LRRC4C: variants seen among roughly 807,000 people sequenced by gnomAD.
The protein encoded by LRRC4C is leucine-rich repeat-containing protein 4C.
Under a neutral mutation model 33.6 loss-of-function variants are expected in LRRC4C, and 5 were observed. That is an observed-to-expected ratio of 0.15 (90% CI 0.08 to 0.31). LRRC4C has a LOEUF of 0.31. Ranked by LOEUF, LRRC4C falls within the 10% of genes least tolerant of loss-of-function variation. The pLI, the probability that LRRC4C is intolerant of heterozygous loss-of-function variation, is 1.00. For missense variants in LRRC4C, 560 were observed against 796.7 expected (o/e 0.70, Z 3.58); for synonymous variants, 329 against 302.0 (o/e 1.09, Z -0.93).
chr11:40,743,654 T>C (rs1948274912), intron 2 of LRRC4C, among the ~76,000 whole-genome samples: 1 of 152,106 alleles, frequency 6.6e-6, no homozygotes, highest in Non-Finnish European at 1.5e-5. Context: ...CACCCTCCAG[T>C]CTAGTGAAAG....
At chr11:40,916,776 T>C (rs1211437614) in intron 2 of LRRC4C, among the ~76,000 whole-genome samples, 2 of 151,780 alleles carry the variant, frequency 1.3e-5, no homozygotes, top group African/African-American at 4.8e-5. Context: ...ACACAATGAC[T>C]ATTGAGACAC....
rs1370325615 is a variant in LRRC4C, at chr11:40,673,670, G to C, written c.-406-25392C>G. 2.0e-5 allele frequency among the ~76,000 whole-genome samples: 3 copies of C among 152,270 alleles called. No homozygotes were observed. In the East Asian group the frequency reaches 5.8e-4, roughly 29 times the overall value. The stretch of plus-strand genomic sequence containing the variant: ...ATTTTAATGGAACGTTTAAGCACAA[G>C]TCCAATATATAAAGGAGATAAATAA... On this transcript the variant is annotated intron_variant, in intron 2 of 6. Coordinates refer to ENST00000528697, the MANE Select transcript of LRRC4C (RefSeq NM_001258419.2).
intron 1 of LRRC4C, among the ~76,000 whole-genome samples, chr11:41,156,171 T>A (rs546806980): frequency 6.6e-6 from 1 of 152,100 alleles, no homozygotes; most frequent in Non-Finnish European, 1.5e-5. Flanking sequence ...AGCACACAAG[T>A]GTCTGCCCCA....
At position 40,232,474 on chromosome 11, in the gene LRRC4C, G is replaced by A. The variant is rs187248878; in HGVS notation, c.-96+9045C>T. The stretch of plus-strand genomic sequence containing the variant: ...CCAATAAATTAAGAGACCTCAACTC[G>A]GACCATAGTCACTTGCTAGGGACAA... On this transcript the variant is annotated intron_variant, in intron 5 of 6. Transcript: ENST00000528697. Among the ~76,000 whole-genome samples, 67 of 152,146 alleles carry A rather than the reference G, an allele frequency of 4.4e-4. 1 individual carries two copies. Among genetic ancestry groups the A allele is most frequent in the Admixed American group, 4.3e-3 (65 of 15,284 alleles).
intron 1 of LRRC4C, among the ~76,000 whole-genome samples, chr11:41,427,217 G>T (rs1337185243): frequency 6.6e-6 from 1 of 151,904 alleles, no homozygotes; most frequent in Non-Finnish European, 1.5e-5. Flanking sequence ...TGTTCTTAGA[G>T]TTCTGGAAGT....
At chr11:40,790,698 T>A (rs1249726845) in intron 2 of LRRC4C, among the ~76,000 whole-genome samples, 2 of 152,200 alleles carry the variant, frequency 1.3e-5, no homozygotes, top group Admixed American at 6.5e-5. Context: ...AGGGACTAGA[T>A]CCTATGTGTT....
chr11:40,186,601 T>A (rs1200097594), intron 5 of LRRC4C, among the ~76,000 whole-genome samples: 1 of 152,188 alleles, frequency 6.6e-6, no homozygotes, highest in Non-Finnish European at 1.5e-5. Context: ...TCTATGAGTC[T>A]ACATCACCTT....
At chr11:41,376,518 T>G (rs1353684811) in intron 1 of LRRC4C, among the ~76,000 whole-genome samples, 2 of 152,074 alleles carry the variant, frequency 1.3e-5, no homozygotes, top group African/African-American at 2.4e-5. Flanking sequence ...ATTGTAAAAT[T>G]TGGTTAATGG....
intron 2 of LRRC4C, among the ~76,000 whole-genome samples, chr11:40,859,369 G>C (rs916657323): frequency 6.6e-6 from 1 of 152,084 alleles, no homozygotes; most frequent in African/African-American, 2.4e-5. Context: ...ATGCTTGAGA[G>C]GCTCGTAGAC....
chr11:41,226,631 G>C (rs867378665), intron 1 of LRRC4C, among the ~76,000 whole-genome samples: 2 of 151,718 alleles, frequency 1.3e-5, no homozygotes, highest in Middle Eastern at 3.2e-3. Context: ...AACTCCTCCT[G>C]TCTTTTCTAA....
chr11:41,128,053 G>T (rs549371274), intron 1 of LRRC4C, among the ~76,000 whole-genome samples: 1 of 152,036 alleles, frequency 6.6e-6, no homozygotes, highest in South Asian at 2.1e-4. Context: ...TCCTCTAATT[G>T]GTAGATTGCA....
chr11:40,682,675 G>A (rs2136339567), intron 2 of LRRC4C, among the ~76,000 whole-genome samples: 1 of 151,822 alleles, frequency 6.6e-6, no homozygotes, highest in Non-Finnish European at 1.5e-5. Flanking sequence ...CTTGGGAGAG[G>A]CATGAGAATC....
intron 3 of LRRC4C, among the ~76,000 whole-genome samples, chr11:40,336,937 A>ACTG: frequency 7.6e-6 from 1 of 132,294 alleles, no homozygotes; most frequent in African/African-American, 3.0e-5. Flanking sequence ...AGATTGCACC[A>ACTG]CTGCACTCCA....
intron 2 of LRRC4C, among the ~76,000 whole-genome samples, chr11:40,813,960 C>T (rs192209852): frequency 6.6e-6 from 1 of 152,352 alleles, no homozygotes; most frequent in Non-Finnish European, 1.5e-5. Flanking sequence ...AGATCCACCC[C>T]TGTGGCTTTG....
intron 2 of LRRC4C, among the ~76,000 whole-genome samples, chr11:40,832,046 G>A (rs1292842676): frequency 6.6e-6 from 1 of 152,130 alleles, no homozygotes; most frequent in Non-Finnish European, 1.5e-5. Context: ...TTATATCACT[G>A]TGTGATTGTT....
chr11:41,021,196 AGAGAGAGAGAGAGAGAGAGTGTGT>A (rs1325358858), intron 1 of LRRC4C, among the ~76,000 whole-genome samples: 19 of 55,754 alleles, frequency 3.4e-4, no homozygotes, highest in African/African-American at 1.3e-3. Flanking sequence ...AGAGAGAGAG[AGAGAGAGAGAGAGAGAGAGTGTGT>A]GTGTGTGTGT....
Position 40,808,558 on chromosome 11 carries a change from C to T in LRRC4C, c.-407+125077G>A, listed in dbSNP as rs1408103053. Among the ~76,000 whole-genome samples, 8 of 152,124 alleles carry T rather than the reference C, an allele frequency of 5.3e-5. No homozygotes were observed. In the South Asian group the frequency reaches 1.0e-3, roughly 20 times the overall value. ...CTCTCCTGTTATAAAGTAAAGGGTG[C>T]TCTCTGTCTCCCCTGCCTTCTCCTC... is the stretch of plus-strand genomic sequence containing the variant. On this transcript the variant is annotated intron_variant, in intron 2 of 6. Transcript: ENST00000528697.
intron 1 of LRRC4C, among the ~76,000 whole-genome samples, chr11:41,290,414 C>T (rs1314851967): frequency 6.6e-6 from 1 of 152,100 alleles, no homozygotes; most frequent in East Asian, 1.9e-4. Flanking sequence ...AGTGAATAGG[C>T]TACAAATACG....
chr11:40,671,357 G>A (rs1157112423), intron 2 of LRRC4C, among the ~76,000 whole-genome samples: 3 of 152,094 alleles, frequency 2.0e-5, no homozygotes, highest in East Asian at 3.9e-4. Flanking sequence ...CCACTGATAC[G>A]GAGGGCTTAA....
Sources: allele counts gnomAD v4.1 joint callset (sites outside exome capture counted in the v4.1 genomes callset), GRCh38; gene constraint gnomAD v4.1.1; transcripts MANE v1.5; gene names NCBI Gene and HGNC (gene_info 2026-07-23, HGNC 2026-07-21).